TSHZ1: variants seen among roughly 807,000 people sequenced by gnomAD.
TSHZ1 encodes teashirt homolog 1.
TSHZ1 carries 12 observed loss-of-function variants against 67.1 expected under a neutral mutation model. That is an observed-to-expected ratio of 0.18 (90% CI 0.11 to 0.29). The LOEUF (loss-of-function observed/expected upper bound fraction) is 0.29, where lower values mean the gene tolerates loss of function less well. Ranked by LOEUF, TSHZ1 falls within the 10% of genes least tolerant of loss-of-function variation. The probability of loss-of-function intolerance (pLI) is 1.00; values close to 1 mark genes in which losing one functional copy is unlikely to be tolerated. For synonymous variants in TSHZ1, 632 were observed against 622.4 expected (o/e 1.02, Z -0.23); for missense variants, 1,305 against 1,413.9 (o/e 0.92, Z 1.23).
At chr18:75,262,039 C>G (rs1478304534) in intron 1 of TSHZ1, among the ~76,000 whole-genome samples, 1 of 152,064 alleles carries the variant, frequency 6.6e-6, no homozygotes, top group East Asian at 1.9e-4. Context: ...CTGCTGGTTT[C>G]GATGAGATGG....
chr18:75,246,308 T>C (rs1353873804), intron 1 of TSHZ1, among the ~76,000 whole-genome samples: 1 of 152,026 alleles, frequency 6.6e-6, no homozygotes, highest in Non-Finnish European at 1.5e-5. Flanking sequence ...GTGAGCTTCA[T>C]AGTGGGAAGC....
chr18:75,237,948 G>A (rs911104071), intron 1 of TSHZ1, among the ~76,000 whole-genome samples: 6 of 152,120 alleles, frequency 3.9e-5, no homozygotes, highest in Non-Finnish European at 7.3e-5. Context: ...GAGTAGCTGG[G>A]ATTACAGGCC....
intron 1 of TSHZ1, among the ~76,000 whole-genome samples, chr18:75,266,333 G>C (rs2085455838): frequency 6.6e-6 from 1 of 152,174 alleles, no homozygotes; most frequent in South Asian, 2.1e-4. Flanking sequence ...ATTGATCATA[G>C]GTTGTAGATA....
In TSHZ1 at chr18:75,282,055, C is replaced by T. The variant is rs1035266323; in HGVS notation, c.41-3393C>T. ...CCACACAGGGCCGTGGACATCTGCG[C>T]AAGGAAATGGCTTGCTGGGAAGATG... On this transcript the variant is annotated intron_variant, in intron 1 of 1. Transcript: ENST00000580243. Among the ~76,000 whole-genome samples, 6 of 152,146 alleles carry T rather than the reference C, an allele frequency of 3.9e-5. No homozygotes were observed. The East Asian group carries it at 1.2e-3, about 29-fold the overall frequency.
At chr18:75,219,491 A>C (rs1462177542) in intron 1 of TSHZ1, among the ~76,000 whole-genome samples, 2 of 152,242 alleles carry the variant, frequency 1.3e-5, no homozygotes, top group Non-Finnish European at 2.9e-5. Context: ...TACACTAAGC[A>C]CCATTGTTAT....
chr18:75,257,656 G>A (rs958044993), intron 1 of TSHZ1, among the ~76,000 whole-genome samples: 10 of 152,028 alleles, frequency 6.6e-5, no homozygotes, highest in Non-Finnish European at 1.0e-4. Context: ...ATGAACTAAG[G>A]AACGGCTTTG....
intron 1 of TSHZ1, among the ~76,000 whole-genome samples, chr18:75,254,673 GA>G (rs573933329): frequency 2.2e-4 from 34 of 152,238 alleles, no homozygotes; most frequent in African/African-American, 7.7e-4. Context: ...AGAAGAGAAG[GA>G]AAAAAACTAT....
intron 1 of TSHZ1, among the ~76,000 whole-genome samples, chr18:75,243,790 A>G (rs769776950): frequency 4.6e-5 from 7 of 152,092 alleles, no homozygotes; most frequent in African/African-American, 9.7e-5. Context: ...TTTATGTACT[A>G]TGTGTGCATA....
At chr18:75,257,791 A>C (rs1182367451) in intron 1 of TSHZ1, among the ~76,000 whole-genome samples, 2 of 152,160 alleles carry the variant, frequency 1.3e-5, no homozygotes, top group Non-Finnish European at 2.9e-5. Flanking sequence ...GTCATGTTGC[A>C]CATGTTCCCG....
chr18:75,249,421 TG>T (rs1348616423), intron 1 of TSHZ1, among the ~76,000 whole-genome samples: 1 of 80,246 alleles, frequency 1.2e-5, no homozygotes, highest in East Asian at 4.3e-4. Context: ...GGCGGGTGGG[TG>T]GGGGGAACAG....
At chr18:75,226,468 A>T (rs2022927085) in intron 1 of TSHZ1, among the ~76,000 whole-genome samples, 1 of 152,224 alleles carries the variant, frequency 6.6e-6, no homozygotes, top group Non-Finnish European at 1.5e-5. Flanking sequence ...GAGTGTGATT[A>T]ATAATTGACT....
At chr18:75,242,966 C>T (rs948086641) in intron 1 of TSHZ1, among the ~76,000 whole-genome samples, 2 of 152,240 alleles carry the variant, frequency 1.3e-5, no homozygotes, top group Non-Finnish European at 2.9e-5. Context: ...GCATGTCACT[C>T]TGCTGTCCCT....
intron 1 of TSHZ1, among the ~76,000 whole-genome samples, chr18:75,236,059 G>A (rs775377641): frequency 2.0e-4 from 31 of 152,258 alleles, no homozygotes; most frequent in Non-Finnish European, 3.4e-4. Context: ...GGAAGCATGC[G>A]TGACAGGAAG....
At position 75,247,975 on chromosome 18, in the gene TSHZ1, G is replaced by A. The variant is rs192691401; in HGVS notation, c.40+36059G>A. Among the ~76,000 whole-genome samples the A allele has an allele frequency of 2.5e-4, 38 of 151,782 alleles. No individual in the cohort carries two copies. In the South Asian group the frequency reaches 3.1e-3, roughly 12 times the overall value. The stretch of plus-strand genomic sequence containing the variant: ...AAGTGAAAGTAAATCCTAGGCTTCC[G>A]GTGCATTCAGAAACCACAGTAAGAA... On this transcript the variant is annotated intron_variant, in intron 1 of 1. Coordinates refer to ENST00000580243, the MANE Select transcript of TSHZ1 (RefSeq NM_001308210.2).
At chr18:75,264,000 A>G (rs6566067) in intron 1 of TSHZ1, among the ~76,000 whole-genome samples, 91,348 of 152,064 alleles carry the variant, frequency 0.6, 27,446 homozygotes, top group South Asian at 0.69. Flanking sequence ...AATTCCACCC[A>G]TTTCAAGGAG....
intron 1 of TSHZ1, among the ~76,000 whole-genome samples, chr18:75,241,795 A>T (rs2023159932): frequency 6.6e-6 from 1 of 151,576 alleles, no homozygotes; most frequent in African/African-American, 2.4e-5. Flanking sequence ...CCAGAGGAGA[A>T]TCCTTCCTCC....
intron 1 of TSHZ1, among the ~76,000 whole-genome samples, chr18:75,223,109 T>C (rs552421813): frequency 3.3e-5 from 5 of 152,196 alleles, no homozygotes; most frequent in African/African-American, 1.2e-4. Context: ...AAGATAATAA[T>C]ACATTTATTC....
intron 1 of TSHZ1, among the ~76,000 whole-genome samples, chr18:75,254,498 C>A (rs1171888247): frequency 6.6e-6 from 1 of 152,156 alleles, no homozygotes; most frequent in East Asian, 1.9e-4. Flanking sequence ...TAGACAATAT[C>A]TCCAGGTTGT....
intron 1 of TSHZ1, among the ~76,000 whole-genome samples, chr18:75,250,317 C>T (rs912162925): frequency 1.3e-5 from 2 of 152,192 alleles, no homozygotes; most frequent in Admixed American, 6.5e-5. Context: ...CCCACACCCT[C>T]GCCCCACTTG....
Sources: gnomAD v4.1 joint callset for allele counts (sites outside exome capture counted in the v4.1 genomes callset) on GRCh38, gnomAD v4.1.1 for gene constraint, MANE v1.5 for transcripts, NCBI Gene and HGNC (gene_info 2026-07-23, HGNC 2026-07-21) for gene names.